Variants in RAB42 observed in about 807,000 individuals in gnomAD.
The protein encoded by RAB42 is ras-related protein Rab-42.
Under a neutral mutation model 7.5 loss-of-function variants are expected in RAB42, and 4 were observed. That is an observed-to-expected ratio of 0.53 (90% CI 0.26 to 1.22). The LOEUF (loss-of-function observed/expected upper bound fraction) is 1.22, where lower values mean the gene tolerates loss of function less well. Ranked by LOEUF, RAB42 falls within the 50% of genes most tolerant of loss-of-function variation. The pLI is 0.13. For missense variants in RAB42, 208 were observed against 281.2 expected (o/e 0.74, Z 1.86); for synonymous variants, 82 against 129.0 (o/e 0.64, Z 2.47).
chr1:28,595,455 G>A (rs554281150), downstream of RAB42: 1 of 166,886 alleles, frequency 6.0e-6, no homozygotes, highest in African/African-American at 2.4e-5. Flanking sequence ...CTCCATCTCA[G>A]AATCTGCCTC....
rs1288146489 is a variant in RAB42 at position 28,592,619 on chromosome 1, C to T, written c.108C>T (p.Ala36=). The T allele has an allele frequency of 2.5e-6, 3 of 1,222,478 alleles. No homozygotes were observed. The Admixed American group carries it at 1.3e-4, about 52-fold the overall frequency. The allele number at this position is 1,222,478 out of a possible 1,614,324, so 75.7% of individuals were successfully genotyped here. A position where few individuals can be genotyped will look rare whatever the true frequency, so the allele number is the denominator to read the frequency against. ...GCTACGTGGCAGGCGCGCCTGGCGC[C>T]CCGGAGCCGGAGCCCGAGCCCGAGC... ...LRSYVAGAPG[A]PEPEPEPEPT... is the part of the protein sequence containing the mutation. Residue 36 remains alanine (A), a synonymous_variant, in exon 1 of 2, where the codon GCC becomes GCT. Transcript: ENST00000465518. This position sits in a 1 kb window ranked among gnomAD's most constrained non-coding sequence, Gnocchi z 4.1.
At position 28,592,610 on chromosome 1, in the gene RAB42, G is replaced by A. The variant is rs1047270594; in HGVS notation, c.99G>A (p.Ala33=). 10 of 1,221,218 alleles carry A rather than the reference G, an allele frequency of 8.2e-6. No individual in the cohort carries two copies. Among genetic ancestry groups the A allele is most frequent in the Non-Finnish European group, 1.0e-5 (10 of 981,178 alleles). The allele number at this position is 1,221,218 out of a possible 1,614,324, so 75.6% of individuals were successfully genotyped here. A position where few individuals can be genotyped will look rare whatever the true frequency, so the allele number is the denominator to read the frequency against. ...TGCTGCGGAGCTACGTGGCAGGCGC[G>A]CCTGGCGCCCCGGAGCCGGAGCCCG... The part of the protein sequence containing the change: ...TSLLRSYVAG[A]PGAPEPEPEP... Residue 33 remains alanine (A), a synonymous_variant, in exon 1 of 2, where the codon GCG becomes GCA. Transcript: ENST00000465518. This position sits in a 1 kb window ranked among gnomAD's most constrained non-coding sequence, Gnocchi z 4.1.
chr1:28,592,628 G>C lies in RAB42; in HGVS notation c.117G>C (p.Pro39=), dbSNP rs535392595. The C allele has an allele frequency of 7.7e-4, 947 of 1,224,186 alleles. 7 individuals are homozygous for C. The African/African-American group carries it at 0.014, about 18-fold the overall frequency. The allele number at this position is 1,224,186 out of a possible 1,614,324, so 75.8% of individuals were successfully genotyped here. A position where few individuals can be genotyped will look rare whatever the true frequency, so the allele number is the denominator to read the frequency against. ...YVAGAPGAPE[P]EPEPEPTVGA... ...CAGGCGCGCCTGGCGCCCCGGAGCC[G>C]GAGCCCGAGCCCGAGCCCACGGTGG... Residue 39 remains proline (P), a synonymous_variant, in exon 1 of 2, where the codon CCG becomes CCC. Coordinates refer to ENST00000465518, the MANE Select transcript of RAB42 (RefSeq NM_001193532.3). This position sits in a 1 kb window ranked among gnomAD's most constrained non-coding sequence, Gnocchi z 4.1.
rs1666343013 is a variant in RAB42 at position 28,592,673 on chromosome 1, C to T, written c.162C>T (p.Arg54=). Reference sequence around the variant, plus strand: ...CGGTGGGCGCCGAGTGCTACCGCCGCGCGCTGCAGCTGCGGGCCGGGCCGC... The same window carrying T: ...CGGTGGGCGCCGAGTGCTACCGCCGTGCGCTGCAGCTGCGGGCCGGGCCGC... ...EPTVGAECYR[R]ALQLRAGPRV... is the part of the protein sequence containing the mutation. Residue 54 remains arginine (R), a synonymous_variant, in exon 1 of 2, where the codon CGC becomes CGT. Transcript: ENST00000465518. This position sits in a 1 kb window ranked among gnomAD's most constrained non-coding sequence, Gnocchi z 4.1. 1 of 1,228,896 alleles carries T rather than the reference C, an allele frequency of 8.1e-7. No individual in the cohort carries two copies. 76.1% of individuals were successfully genotyped at this position (1,228,896 alleles called of 1,614,324 possible). A position where few individuals can be genotyped will look rare whatever the true frequency, so the allele number is the denominator to read the frequency against.
chr1:28,592,785 GC>G lies in RAB42; in HGVS notation c.233+42del. On this transcript the variant is annotated intron_variant, in intron 1 of 1. Transcript: ENST00000465518. This position sits in a 1 kb window ranked among gnomAD's most constrained non-coding sequence, Gnocchi z 4.1. The stretch of plus-strand genomic sequence containing the variant: ...GCGCGGGAGGGACTTCTGGTGGGGG[GC>G]TCGGTGAGCGTGCTTTAGGCCACGG... 1 of 1,027,668 alleles carries G rather than the reference GC, an allele frequency of 9.7e-7. No individual in the cohort carries two copies. The highest frequency in any genetic ancestry group is 1.2e-6 in the Non-Finnish European group (1 of 802,288). The allele number at this position is 1,027,668 out of a possible 1,614,324, so 63.7% of individuals were successfully genotyped here.
At chr1:28,596,448 CCT>C (rs1164916037), downstream of RAB42, among the ~76,000 whole-genome samples, 3 of 151,932 alleles carry the variant, frequency 2.0e-5, no homozygotes, top group Admixed American at 6.6e-5. Flanking sequence ...TTGGTGAAAC[CCT>C]GTCTCTACTA....
chr1:28,594,196 G>T lies in RAB42; in HGVS notation c.*79G>T, dbSNP rs1319850207. 1.5e-6 allele frequency: 2 copies of T among 1,309,066 alleles called. No homozygotes were observed. The highest frequency in any genetic ancestry group is 1.5e-5 in the African/African-American group (1 of 67,144). 81.1% of individuals were successfully genotyped at this position (1,309,066 alleles called of 1,614,324 possible). The stretch of plus-strand genomic sequence containing the variant: ...GGGGAGTGTTAATATCTCTCTGGAG[G>T]ACAAATGACAGAAGGGTTCATATAA... On this transcript the variant is annotated 3_prime_UTR_variant, in exon 2 of 2. Coordinates refer to ENST00000465518, the MANE Select transcript of RAB42 (RefSeq NM_001193532.3).
In RAB42 at chr1:28,594,790, T is replaced by C. The variant is rs560868589; in HGVS notation, c.*673T>C. 1.8e-5 allele frequency: 3 copies of C among 167,184 alleles called. No individual in the cohort carries two copies. Among genetic ancestry groups the C allele is most frequent in the African/African-American group, 4.8e-5 (2 of 41,566 alleles). The allele number at this position is 167,184 out of a possible 1,614,324, so 10.4% of individuals were successfully genotyped here. On this transcript the variant is annotated 3_prime_UTR_variant, in exon 2 of 2. Coordinates refer to ENST00000465518, the MANE Select transcript of RAB42 (RefSeq NM_001193532.3). ...AAAAGCTCTCATTCCCACTCCCTTT[T>C]TCTTGGCTGCGATGTGGCCACTCTG...
chr1:28,592,769 G>T lies in RAB42; in HGVS notation c.233+25G>T. On this transcript the variant is annotated intron_variant, in intron 1 of 1. Transcript: ENST00000465518. This position sits in a 1 kb window ranked among gnomAD's most constrained non-coding sequence, Gnocchi z 4.1. ...GGTGCGGGTAGCCGGGGCGCGGGAG[G>T]GACTTCTGGTGGGGGGCTCGGTGAG... 1 of 1,147,176 alleles carries T rather than the reference G, an allele frequency of 8.7e-7. No homozygotes were observed. The allele number at this position is 1,147,176 out of a possible 1,614,324, so 71.1% of individuals were successfully genotyped here.
chr1:28,592,685 G>A lies in RAB42; in HGVS notation c.174G>A (p.Leu58=), dbSNP rs1021612050. The A allele has an allele frequency of 3.3e-6, 4 of 1,229,488 alleles. No homozygotes were observed. The African/African-American group carries it at 6.2e-5, about 19-fold the overall frequency. The allele number at this position is 1,229,488 out of a possible 1,614,324, so 76.2% of individuals were successfully genotyped here. ...GAECYRRALQ[L]RAGPRVKLQL... ...AGTGCTACCGCCGCGCGCTGCAGCT[G>A]CGGGCCGGGCCGCGGGTCAAGCTGC... Residue 58 remains leucine, a synonymous_variant, in exon 1 of 2, where the codon CTG becomes CTA. Transcript: ENST00000465518. This position sits in a 1 kb window ranked among gnomAD's most constrained non-coding sequence, Gnocchi z 4.1.
In RAB42 at chr1:28,594,216, A is replaced by G. The variant is rs1666389752; in HGVS notation, c.*99A>G. 1 of 1,157,168 alleles carries G rather than the reference A, an allele frequency of 8.6e-7. No individual in the cohort carries two copies. 71.7% of individuals were successfully genotyped at this position (1,157,168 alleles called of 1,614,324 possible). On this transcript the variant is annotated 3_prime_UTR_variant, in exon 2 of 2. Transcript: ENST00000465518. The stretch of plus-strand genomic sequence containing the variant: ...TGGAGGACAAATGACAGAAGGGTTC[A>G]TATAAACAGTATCCTGACACAGTCA...
At position 28,595,224 on chromosome 1, in the gene RAB42, T is replaced by G. The variant is rs1267332250; in HGVS notation, c.*1107T>G. On this transcript the variant is annotated 3_prime_UTR_variant, in exon 2 of 2. Coordinates refer to ENST00000465518, the MANE Select transcript of RAB42 (RefSeq NM_001193532.3). The stretch of plus-strand genomic sequence containing the variant: ...GGCCCTCCCTTCAGGGCAGCTTGTA[T>G]CCAAAGTTCATCTCCTGGGGGGCCT... 1 of 166,958 alleles carries G rather than the reference T, an allele frequency of 6.0e-6. No homozygotes were observed. The highest frequency in any genetic ancestry group is 2.4e-5 in the African/African-American group (1 of 41,390). 10.3% of individuals were successfully genotyped at this position (166,958 alleles called of 1,614,324 possible).
rs767035667 is a variant in RAB42 at position 28,594,112 on chromosome 1, T to A, written c.652T>A (p.Cys218Ser). The change falls in exon 2 of 2, where the codon TGT becomes AGT. Residue 218 changes from cysteine (C) to serine (S), a missense_variant. Cys to Ser is a moderately radical substitution (Grantham distance 112). Transcript: ENST00000465518. ...GAAGCAGCACTCAGGCCCATGCCAG[T>A]GTTGACTCTAGGAGAGAAAGGGTTA... Reference protein sequence around the residue: ...SRKQHSGPCQC With the variant: ...SRKQHSGPCQS 1.3e-6 allele frequency: 2 copies of A among 1,585,072 alleles called. No individual in the cohort carries two copies. The highest frequency in any genetic ancestry group is 1.7e-5 in the Admixed American group (1 of 57,272).
In RAB42 at chr1:28,595,020, A is replaced by C. The variant is rs925807012; in HGVS notation, c.*903A>C. ...CCCCCCGACCAGGCCCAGGGGCTGA[A>C]AAATGGATGTTGGAGGCTGGGATGA... On this transcript the variant is annotated 3_prime_UTR_variant, in exon 2 of 2. Transcript: ENST00000465518. 9 of 167,194 alleles carry C rather than the reference A, an allele frequency of 5.4e-5. No individual in the cohort carries two copies. The highest frequency in any genetic ancestry group is 1.9e-4 in the African/African-American group (8 of 41,456). The allele number at this position is 167,194 out of a possible 1,614,324, so 10.4% of individuals were successfully genotyped here.
rs1378718951 is a variant in RAB42 at position 28,593,704 on chromosome 1, A to G, written c.244A>G (p.Arg82Gly). 1.9e-6 allele frequency: 3 copies of G among 1,542,166 alleles called. No individual in the cohort carries two copies. The highest frequency in any genetic ancestry group is 2.6e-6 in the Non-Finnish European group (3 of 1,141,080). Residue 82 changes from arginine to glycine, a missense_variant, in exon 2 of 2, where the codon AGG (arginine) becomes GGG (glycine). Arg to Gly is a moderately radical substitution (Grantham distance 125, BLOSUM62 -2). Transcript: ENST00000465518. ...TCCCTGCCTCCCCAGGTGCATCACCAGGTCCTTTTACCGGAATGTGGTGGG... is the reference window on the plus strand; with the variant it reads ...TCCCTGCCTCCCCAGGTGCATCACCGGGTCCTTTTACCGGAATGTGGTGGG... ...AGHERFRCIT[R>G]SFYRNVVGVL...
Position 28,594,574 on chromosome 1 carries a change from CAA to C in RAB42, c.*468_*469del, listed in dbSNP as rs1224515247. On this transcript the variant is annotated 3_prime_UTR_variant, in exon 2 of 2. Transcript: ENST00000465518. ...TGGGCAACAGAGTGAGACTCTGTTTCAAAAAAAAAAAAGAAAAGAAAAGAAAG... is the reference window on the plus strand; with the variant it reads ...TGGGCAACAGAGTGAGACTCTGTTTCAAAAAAAAAAGAAAAGAAAAGAAAG... The C allele has an allele frequency of 3.5e-5, 5 of 142,350 alleles. No individual in the cohort carries two copies. The highest frequency in any genetic ancestry group is 1.6e-5 in the Non-Finnish European group (1 of 61,236). The allele number at this position is 142,350 out of a possible 1,614,324, so 8.8% of individuals were successfully genotyped here. A position where few individuals can be genotyped will look rare whatever the true frequency, so the allele number is the denominator to read the frequency against.
rs1164836753 is a variant in RAB42 at position 28,594,633 on chromosome 1, C to T, written c.*516C>T. ...GAGACCAGATGTGCAACTTCCTGTC[C>T]TTGAGCCTCAGTGTCCCTATCTATC... On this transcript the variant is annotated 3_prime_UTR_variant, in exon 2 of 2. Coordinates refer to ENST00000465518, the MANE Select transcript of RAB42 (RefSeq NM_001193532.3). 6.0e-6 allele frequency: 1 copy of T among 167,464 alleles called. No individual in the cohort carries two copies. The highest frequency in any genetic ancestry group is 6.5e-5 in the Admixed American group (1 of 15,278). The allele number at this position is 167,464 out of a possible 1,614,324, so 10.4% of individuals were successfully genotyped here.
Position 28,594,075 on chromosome 1 carries a change from G to C in RAB42, c.615G>C (p.Arg205Ser). 6.2e-7 allele frequency: 1 copy of C among 1,610,378 alleles called. No homozygotes were observed. The highest frequency in any genetic ancestry group is 1.1e-5 in the South Asian group (1 of 90,614). ...VRLIHKTQIP[R>S]SPSRKQHSGP... is the part of the protein sequence containing the mutation. ...TCATCCACAAGACCCAAATCCCCAG[G>C]TCCCCCAGCAGGAAGCAGCACTCAG... Residue 205 changes from arginine (R) to serine (S), a missense_variant, in exon 2 of 2, where the codon AGG becomes AGC. Coordinates refer to ENST00000465518, the MANE Select transcript of RAB42 (RefSeq NM_001193532.3).
intron 1 of RAB42, among the ~76,000 whole-genome samples, chr1:28,593,289 C>T (rs1409673334): frequency 6.6e-6 from 1 of 151,908 alleles, no homozygotes; most frequent in Non-Finnish European, 1.5e-5. Flanking sequence ...CTGCAAGCTC[C>T]GCCTCCTGGG....
Sources: gnomAD v4.1 joint callset for allele counts (sites outside exome capture counted in the v4.1 genomes callset) on GRCh38, gnomAD v4.1.1 for gene constraint, Gnocchi (gnomAD v3.1) non-coding constraint, MANE v1.5 for transcripts, NCBI Gene and HGNC (gene_info 2026-07-23, HGNC 2026-07-21) for gene names.